Variants in TTC13 observed in about 807,000 individuals in gnomAD.
TTC13 encodes the protein tetratricopeptide repeat domain 13, also known as tetratricopeptide repeat protein 13.
Under a neutral mutation model 120.0 loss-of-function variants are expected in TTC13, and 62 were observed. That is an observed-to-expected ratio of 0.52 (90% CI 0.42 to 0.64). TTC13 has a LOEUF of 0.64. Among genes scored for constraint, TTC13 ranks in the 30% least tolerant of loss-of-function variants. The pLI is 0.00. For synonymous variants in TTC13, 384 were observed against 393.5 expected, an observed-to-expected ratio of 0.98 and a Z score of 0.28; for missense variants, 824 against 1,050.2, an observed-to-expected ratio of 0.78 and a Z score of 2.98.
rs1028549540 is a variant in TTC13, at chr1:230,944,022, C to T, written c.580-124G>A. On this transcript the variant is annotated intron_variant, in intron 5 of 22. Coordinates refer to ENST00000366661, the MANE Select transcript of TTC13 (RefSeq NM_024525.5). This position sits in a 1 kb window ranked among gnomAD's most constrained non-coding sequence, Gnocchi z 4.0. ...ATTGTTTAAAAATAAATATGAACTT[C>T]ACTTCTATGTAAGAGATGTGCCATG... 1.2e-5 allele frequency: 6 copies of T among 498,184 alleles called. No homozygotes were observed. The highest frequency in any genetic ancestry group is 2.1e-5 in the Non-Finnish European group (6 of 285,866). 30.9% of individuals were successfully genotyped at this position (498,184 alleles called of 1,614,324 possible).
At chr1:230,924,518 G>C (rs576908485) in intron 14 of TTC13, among the ~76,000 whole-genome samples, 28 of 152,296 alleles carry the variant, frequency 1.8e-4, no homozygotes, top group African/African-American at 6.5e-4. Flanking sequence ...ATTTTTAGCA[G>C]AGACGGGGTT....
chr1:230,956,445 A>C, intron 3 of TTC13: 1 of 229,686 alleles, frequency 4.4e-6, no homozygotes, highest in South Asian at 4.6e-5. Flanking sequence ...TGGGGACCTC[A>C]GTCACTTCTC....
rs553063543 is a variant in TTC13, at chr1:230,978,315, G to A, written c.271+245C>T. 4.6e-5 allele frequency among the ~76,000 whole-genome samples: 7 copies of A among 152,242 alleles called. No homozygotes were observed. The highest frequency in any genetic ancestry group is 1.4e-4 in the African/African-American group (6 of 41,566). On this transcript the variant is annotated intron_variant, in intron 1 of 22. Transcript: ENST00000366661. The surrounding 1 kb of genome is among the most constrained non-coding windows in gnomAD (Gnocchi z 5.6). ...AGGAGAGAGGCCGCCCTGGCCCCAG[G>A]AGCATGCTGTCAGCTCATTTCTCGA...
intron 14 of TTC13, 51 bp downstream of exon 14, chr1:230,924,790 T>TA (rs1206841290): frequency 1.2e-6 from 2 of 1,607,838 alleles, no homozygotes; most frequent in Non-Finnish European, 1.7e-6. Flanking sequence ...AGACTGACGT[T>TA]ATTTGACAAT....
At chr1:230,949,335 G>A (rs1572252020) in intron 4 of TTC13, among the ~76,000 whole-genome samples, 1 of 150,334 alleles carries the variant, frequency 6.7e-6, no homozygotes, top group Admixed American at 6.7e-5. Context: ...ATGTGCCACA[G>A]TGAATGACGT....
chr1:230,932,008 T>C, intron 9 of TTC13, 131 bp from the exon 10 acceptor site: 1 of 793,346 alleles, frequency 1.3e-6, no homozygotes, highest in Non-Finnish European at 2.0e-6. Context: ...TGTTGCTTTT[T>C]TATAGCCTCT....
intron 15 of TTC13, among the ~76,000 whole-genome samples, chr1:230,922,455 T>C (rs979403130): frequency 2.6e-5 from 4 of 152,170 alleles, no homozygotes; most frequent in Non-Finnish European, 5.9e-5. Context: ...TCCTGTTACT[T>C]CTCTGCTTAT....
intron 12 of TTC13, among the ~76,000 whole-genome samples, chr1:230,927,090 A>G (rs1673116339): frequency 6.6e-6 from 1 of 152,194 alleles, no homozygotes; most frequent in South Asian, 2.1e-4. Context: ...ATACTGCTGT[A>G]TAATATCCCA....
chr1:230,958,382 A>G (rs930780754), intron 2 of TTC13, 83 bp from the exon 3 acceptor site: 1 of 1,458,394 alleles, frequency 6.9e-7, no homozygotes, highest in African/African-American at 1.4e-5. Context: ...ATTTTAAAAA[A>G]TTAAAATTAA....
At position 230,944,329 on chromosome 1, in the gene TTC13, G is replaced by A. The variant is rs1674786648; in HGVS notation, c.580-431C>T. Among the ~76,000 whole-genome samples the A allele has an allele frequency of 6.6e-6, 1 of 152,164 alleles. No homozygotes were observed. Among genetic ancestry groups the A allele is most frequent in the Non-Finnish European group, 1.5e-5 (1 of 68,024 alleles). On this transcript the variant is annotated intron_variant, in intron 5 of 22. Transcript: ENST00000366661. The surrounding 1 kb of genome is among the most constrained non-coding windows in gnomAD (Gnocchi z 4.0). ...TAAATCTATACCTTAAGAAGTTTAG[G>A]TACATTCTCTTTAACATTTGCACAT...
chr1:230,952,144 T>C (rs1376287032), intron 4 of TTC13, among the ~76,000 whole-genome samples: 10 of 152,240 alleles, frequency 6.6e-5, no homozygotes, highest in African/African-American at 2.4e-4. Flanking sequence ...GCTCTCTAGC[T>C]GGAGTATAGA....
In TTC13 at chr1:230,929,010, C is replaced by A; in HGVS notation, c.1384G>T (p.Asp462Tyr). 1 of 1,614,132 alleles carries A rather than the reference C, an allele frequency of 6.2e-7. No individual in the cohort carries two copies. The highest frequency in any genetic ancestry group is 8.5e-7 in the Non-Finnish European group (1 of 1,180,028). Residue 462 changes from aspartate (D) to tyrosine (Y), a missense_variant, in exon 12 of 23, where the codon GAC (aspartate) becomes TAC (tyrosine). By Grantham distance (160) the Asp-to-Tyr change is radical. Transcript: ENST00000366661. ...AAAGGCAAATTTTTAGCCCAGTGGTCCTTAAAGCTTCCAGGCAGATCCACA... is the reference window on the plus strand; with the variant it reads ...AAAGGCAAATTTTTAGCCCAGTGGTACTTAAAGCTTCCAGGCAGATCCACA... The part of the protein sequence containing the change: ...IDVDLPGSFK[D>Y]HWAKNLPFLI...
At chr1:230,970,666 G>C (rs4130774) in intron 1 of TTC13, among the ~76,000 whole-genome samples, 11,277 of 152,230 alleles carry the variant, frequency 0.074, 481 homozygotes, top group South Asian at 0.17. Context: ...CAAGGAAGGA[G>C]AGAAGGTGGC....
At chr1:230,970,311 G>A (rs1677602069) in intron 1 of TTC13, among the ~76,000 whole-genome samples, 1 of 152,224 alleles carries the variant, frequency 6.6e-6, no homozygotes, top group African/African-American at 2.4e-5. Flanking sequence ...GAGTGGAGTG[G>A]TGGAGGCAGT....
At chr1:230,932,573 AT>A (rs1385488046) in intron 9 of TTC13, among the ~76,000 whole-genome samples, 2 of 152,144 alleles carry the variant, frequency 1.3e-5, no homozygotes, top group Non-Finnish European at 2.9e-5. Context: ...AATAGTGAAC[AT>A]TTTTTAAAAA....
intron 1 of TTC13, among the ~76,000 whole-genome samples, chr1:230,970,569 C>T (rs115802352): frequency 2.6e-5 from 4 of 152,280 alleles, no homozygotes; most frequent in East Asian, 1.9e-4. Context: ...AGTCCATCTG[C>T]GGGCAGGCCA....
intron 3 of TTC13, 72 bp downstream of exon 3, chr1:230,958,152 G>T: frequency 6.6e-7 from 1 of 1,505,178 alleles, no homozygotes; most frequent in Non-Finnish European, 9.2e-7. Flanking sequence ...TTACCATCCT[G>T]TCTTCCTGCT....
Position 230,931,303 on chromosome 1 carries a change from A to C in TTC13, c.1295T>G (p.Leu432Arg). Residue 432 changes from leucine (L) to arginine (R), a missense_variant, in exon 11 of 23, where the codon CTC becomes CGC. Coordinates refer to ENST00000366661, the MANE Select transcript of TTC13 (RefSeq NM_024525.5). ...ASPEYLKVKY[L>R]REYSRYLHAH... ...TCTGTGATTTTCTGACTTACCTCGG[A>C]GATACTTTACTTTAAGATACTCAGG... The C allele has an allele frequency of 6.2e-7, 1 of 1,613,196 alleles. No individual in the cohort carries two copies. Among genetic ancestry groups the C allele is most frequent in the South Asian group, 1.1e-5 (1 of 90,898 alleles).
chr1:230,958,920 G>A (rs1214771711), intron 2 of TTC13, among the ~76,000 whole-genome samples: 3 of 152,264 alleles, frequency 2.0e-5, no homozygotes, highest in South Asian at 4.2e-4. Context: ...GCTTGAGCCC[G>A]GGAGGTCGAG....
Sources: allele counts gnomAD v4.1 joint callset (sites outside exome capture counted in the v4.1 genomes callset), GRCh38; gene constraint gnomAD v4.1.1; non-coding constraint Gnocchi (gnomAD v3.1); transcripts MANE v1.5; gene names NCBI Gene and HGNC (gene_info 2026-07-23, HGNC 2026-07-21).